KPNB1: variants seen among roughly 807,000 people sequenced by gnomAD.
KPNB1 encodes importin subunit beta-1.
A neutral mutation model predicts 113.0 loss-of-function variants in KPNB1; 7 were observed. The observed-to-expected ratio is 0.06, with a 90% CI of 0.04 to 0.12. The LOEUF is 0.12. KPNB1 is among the 10% of genes least tolerant of loss of function. The pLI is 1.00. For synonymous variants in KPNB1, 363 were observed against 378.6 expected, an observed-to-expected ratio of 0.96 and a Z score of 0.48; for missense variants, 400 against 1,054.8, an observed-to-expected ratio of 0.38 and a Z score of 8.60.
chr17:47,665,039 T>C lies in KPNB1; in HGVS notation c.898-18T>C, dbSNP rs965663325. On this transcript the variant is annotated intron_variant, in intron 8 of 21. Coordinates refer to ENST00000290158, the MANE Select transcript of KPNB1 (RefSeq NM_002265.6). ...AGCTCGGTTGCTTTTGTCTAGAATT[T>C]GCTTTGTTTCTCCTCAGGCAGCAGA... The C allele has an allele frequency of 4.3e-6, 7 of 1,610,456 alleles. No individual in the cohort carries two copies. Among genetic ancestry groups the C allele is most frequent in the Non-Finnish European group, 5.1e-6 (6 of 1,176,770 alleles).
At position 47,650,041 on chromosome 17, in the gene KPNB1, G is replaced by A. The variant is rs1276174822; in HGVS notation, c.-204G>A. On this transcript the variant is annotated 5_prime_UTR_variant, in exon 1 of 22. Coordinates refer to ENST00000290158, the MANE Select transcript of KPNB1 (RefSeq NM_002265.6). ...TCCCCCGCCGCCAGCAGCCCATTTG[G>A]AGGGAGGAAGTAAGGGAAGAGGAGA... 7 of 1,361,934 alleles carry A rather than the reference G, an allele frequency of 5.1e-6. No homozygotes were observed. The highest frequency in any genetic ancestry group is 1.5e-5 in the African/African-American group (1 of 65,732). 84.4% of individuals were successfully genotyped at this position (1,361,934 alleles called of 1,614,324 possible).
At chr17:47,674,453 C>T (rs1372356406) in intron 14 of KPNB1, among the ~76,000 whole-genome samples, 185 bp from the exon 15 acceptor site, 1 of 152,208 alleles carries the variant, frequency 6.6e-6, no homozygotes, top group Non-Finnish European at 1.5e-5. Context: ...AATTGAGAAA[C>T]AGGAGAAATG....
At chr17:47,655,156 G>C (rs76152645) in intron 3 of KPNB1, among the ~76,000 whole-genome samples, 1 of 152,206 alleles carries the variant, frequency 6.6e-6, no homozygotes, top group Non-Finnish European at 1.5e-5. Flanking sequence ...GTTCATGCCA[G>C]AACAGTTAAC....
intron 14 of KPNB1, 169 bp downstream of exon 14, chr17:47,673,730 C>T: frequency 3.3e-6 from 2 of 609,432 alleles, no homozygotes; most frequent in South Asian, 1.9e-5. Context: ...AGGAATTCCC[C>T]ACCTGCCTTA....
At chr17:47,674,597 A>AT (rs778470609) in intron 14 of KPNB1, 41 bp from the exon 15 acceptor site, 33 of 1,586,164 alleles carry the variant, frequency 2.1e-5, no homozygotes, top group Non-Finnish European at 2.7e-5. Flanking sequence ...TGATTGGGAG[A>AT]TTTGGAATCA....
chr17:47,658,365 A>G lies in KPNB1; in HGVS notation c.484-143A>G, dbSNP rs569508145. The G allele has an allele frequency of 9.1e-5, 69 of 761,270 alleles. 1 individual carries two copies. The South Asian group carries it at 1.3e-3, about 15-fold the overall frequency. The allele number at this position is 761,270 out of a possible 1,614,324, so 47.2% of individuals were successfully genotyped here. A position where few individuals can be genotyped will look rare whatever the true frequency, so the allele number is the denominator to read the frequency against. On this transcript the variant is annotated intron_variant, in intron 4 of 21. Transcript: ENST00000290158. ...TGACAAGAAAAAAAGGTGTACATGCACCTTTTGGTGCAGTACAGATGCAAC... is the reference window on the plus strand; with the variant it reads ...TGACAAGAAAAAAAGGTGTACATGCGCCTTTTGGTGCAGTACAGATGCAAC...
At chr17:47,650,863 C>CCTTA (rs1373740353) in intron 2 of KPNB1, among the ~76,000 whole-genome samples, 1 of 152,154 alleles carries the variant, frequency 6.6e-6, no homozygotes, top group African/African-American at 2.4e-5. Context: ...GCCGGCTTCT[C>CCTTA]CTTCCTATCC....
At position 47,650,174 on chromosome 17, in the gene KPNB1, C is replaced by G. The variant is rs1915489911; in HGVS notation, c.-71C>G. 8 of 1,486,734 alleles carry G rather than the reference C, an allele frequency of 5.4e-6. No individual in the cohort carries two copies. The South Asian group carries it at 1.0e-4, about 19-fold the overall frequency. 92.1% of individuals were successfully genotyped at this position (1,486,734 alleles called of 1,614,324 possible). A position where few individuals can be genotyped will look rare whatever the true frequency, so the allele number is the denominator to read the frequency against. On this transcript the variant is annotated 5_prime_UTR_variant, in exon 1 of 22. Coordinates refer to ENST00000290158, the MANE Select transcript of KPNB1 (RefSeq NM_002265.6). ...CCCACCCGACCCCCAACCCCCATCC[C>G]CAGTTCGAGCCGCCGCCCGAAAGGC...
intron 10 of KPNB1, 74 bp downstream of exon 10, chr17:47,668,484 A>G: frequency 8.5e-7 from 1 of 1,177,432 alleles, no homozygotes. Flanking sequence ...TTTATTTTTC[A>G]AAACAAAACT....
chr17:47,666,446 T>C (rs1417890804), intron 9 of KPNB1, among the ~76,000 whole-genome samples: 1 of 144,034 alleles, frequency 6.9e-6, no homozygotes, highest in African/African-American at 2.6e-5. Flanking sequence ...TTATATATTT[T>C]ATATATTATG....
At chr17:47,660,226 A>G (rs888212022) in intron 5 of KPNB1, among the ~76,000 whole-genome samples, 2 of 152,120 alleles carry the variant, frequency 1.3e-5, no homozygotes, top group Non-Finnish European at 2.9e-5. Flanking sequence ...TCTTTTTGCG[A>G]CTGGTTTGTT....
intron 9 of KPNB1, 59 bp from the exon 10 acceptor site, chr17:47,668,127 T>G: frequency 7.2e-7 from 1 of 1,393,782 alleles, no homozygotes; most frequent in Non-Finnish European, 1.0e-6. Flanking sequence ...TCAGAGGACC[T>G]TTAGAGTTAA....
chr17:47,649,975 C>T lies in KPNB1; in HGVS notation c.-270C>T. 7.5e-7 allele frequency: 1 copy of T among 1,325,560 alleles called. No individual in the cohort carries two copies. The highest frequency in any genetic ancestry group is 1.5e-5 in the African/African-American group (1 of 65,256). The allele number at this position is 1,325,560 out of a possible 1,614,324, so 82.1% of individuals were successfully genotyped here. ...CTCCCTTCCTTCTTTCTCCCTCCGC[C>T]TCCCGAGCACCAGCGCGCTCTGAGC... On this transcript the variant is annotated 5_prime_UTR_variant, in exon 1 of 22. Transcript: ENST00000290158.
intron 9 of KPNB1, among the ~76,000 whole-genome samples, chr17:47,667,449 A>T (rs2030323058): frequency 1.3e-5 from 2 of 150,724 alleles, no homozygotes; most frequent in Admixed American, 6.6e-5. Context: ...TGAACTTTTG[A>T]TTGAATCATG....
At chr17:47,653,014 T>A in intron 3 of KPNB1, 138 bp downstream of exon 3, 1 of 531,220 alleles carries the variant, frequency 1.9e-6, no homozygotes, top group Non-Finnish European at 3.1e-6. Context: ...AGATAAAAAT[T>A]GTCTTTGTCT....
intron 2 of KPNB1, among the ~76,000 whole-genome samples, chr17:47,650,921 T>C (rs1177613929): frequency 6.6e-6 from 1 of 152,198 alleles, no homozygotes; most frequent in Non-Finnish European, 1.5e-5. Context: ...CTCTGCCCTT[T>C]CCTAGCTACC....
Position 47,685,144 on chromosome 17 carries a change from C to G in KPNB1, c.*2740C>G, listed in dbSNP as rs2030905267. On this transcript the variant is annotated 3_prime_UTR_variant, in exon 22 of 22. Transcript: ENST00000290158. ...TTTTTCCCAGTTCTCCTCACCCCCC[C>G]TTTGTTGAAATGTTGGACTTGCTGT... is the stretch of plus-strand genomic sequence containing the variant. 1 of 152,180 alleles carries G rather than the reference C, an allele frequency of 6.6e-6. No homozygotes were observed. The highest frequency in any genetic ancestry group is 2.4e-5 in the African/African-American group (1 of 41,438). 9.4% of individuals were successfully genotyped at this position (152,180 alleles called of 1,614,324 possible).
At chr17:47,650,491 G>A (rs774126945) in intron 2 of KPNB1, 47 bp downstream of exon 2, 6 of 1,556,778 alleles carry the variant, frequency 3.9e-6, no homozygotes, top group Non-Finnish European at 5.2e-6. Flanking sequence ...CCCATCCCCT[G>A]CGTGCGGGGC....
chr17:47,663,204 G>T, intron 7 of KPNB1, 26 bp downstream of exon 7: 1 of 1,204,410 alleles, frequency 8.3e-7, no homozygotes, highest in South Asian at 1.2e-5. Flanking sequence ...TATGTGATTT[G>T]AGCTTGTGGC....
Sources: allele counts gnomAD v4.1 joint callset (sites outside exome capture counted in the v4.1 genomes callset), GRCh38; gene constraint gnomAD v4.1.1; transcripts MANE v1.5; gene names NCBI Gene and HGNC (gene_info 2026-07-23, HGNC 2026-07-21).